WDR90: variants seen among roughly 807,000 people sequenced by gnomAD.
WDR90 encodes the protein WD repeat-containing protein 90.
A neutral mutation model predicts 195.2 loss-of-function variants in WDR90; 238 were observed. The observed-to-expected ratio is 1.22, with a 90% confidence interval of 1.10 to 1.36. WDR90 has a LOEUF of 1.36. Ranked by LOEUF, WDR90 falls within the 40% of genes most tolerant of loss-of-function variation. The pLI is 0.00. For synonymous variants in WDR90, 1,265 were observed against 1,052.4 expected, an observed-to-expected ratio of 1.20 and a Z score of -3.91; for missense variants, 2,734 against 2,439.5, an observed-to-expected ratio of 1.12 and a Z score of -2.54.
chr16:658,688 C>A (rs1236489817), intron 23 of WDR90, 35 bp downstream of exon 23: 3 of 1,594,904 alleles, frequency 1.9e-6, no homozygotes, highest in South Asian at 2.2e-5. Context: ...CTTTGGCGGT[C>A]AGGAGCCTCC....
At chr16:665,920 T>G (rs374624747) in intron 35 of WDR90, 30 bp from the exon 36 acceptor site, 1 of 1,567,446 alleles carries the variant, frequency 6.4e-7, no homozygotes, top group Non-Finnish European at 8.6e-7. Flanking sequence ...CCCCTGTGAG[T>G]GCTGAAGTTT....
chr16:659,421 G>C, intron 26 of WDR90, 45 bp downstream of exon 26: 5 of 1,574,196 alleles, frequency 3.2e-6, no homozygotes, highest in Non-Finnish European at 4.3e-6. Context: ...TCGGGGGTCT[G>C]AGAGGGCACA....
rs773023203 is a variant in WDR90, at chr16:657,128, CCT to C, written c.2381_2382del (p.Pro794ArgfsTer73). 3.8e-6 allele frequency: 6 copies of C among 1,583,870 alleles called. No homozygotes were observed. The highest frequency in any genetic ancestry group is 5.1e-6 in the Non-Finnish European group (6 of 1,167,212). On this transcript the variant is annotated frameshift_variant, in exon 20 of 41. Coordinates refer to ENST00000293879, the MANE Select transcript of WDR90 (RefSeq NM_145294.5). LOFTEE classifies it high-confidence loss of function. ...AGCTGTCACCGGCCTGACCGCCACC[CCT>C]GACGGCCGCCTGCTCTTCAGCTCCT... is the stretch of plus-strand genomic sequence containing the variant. Reference protein sequence around the residue: ...RGAVTGLTATPDGRLLFSSCS... With the variant: ...RGAVTGLTATXDGRLLFSSCS...
chr16:651,137 G>A (rs1238273956), intron 6 of WDR90, 34 bp downstream of exon 6: 20 of 1,613,152 alleles, frequency 1.2e-5, no homozygotes, highest in African/African-American at 4.0e-5. Flanking sequence ...GGGAGGCCTC[G>A]GTGGTGGGAG....
chr16:660,999 C>CCTGTTCG lies in WDR90; in HGVS notation c.3392-52_3392-51insCTGTTCG, dbSNP rs1567220624. 60 of 72,374 alleles carry CCTGTTCG rather than the reference C, an allele frequency of 8.3e-4. 21 individuals carry two copies. In the African/African-American group the frequency reaches 0.033, roughly 40 times the overall value. The allele number at this position is 72,374 out of a possible 1,614,324, so 4.5% of individuals were successfully genotyped here. On this transcript the variant is annotated intron_variant, in intron 28 of 40. Coordinates refer to ENST00000293879, the MANE Select transcript of WDR90 (RefSeq NM_145294.5). ...TTCGGCCCCTCCCCAGGCCCCTCCC[C>CCTGTTCG]GCCCCCCCCCCCCCCCGGCCCGGCC... is the stretch of plus-strand genomic sequence containing the variant.
chr16:659,417 G>T (rs1291046435), intron 26 of WDR90, 41 bp downstream of exon 26: 1 of 1,575,806 alleles, frequency 6.3e-7, no homozygotes, highest in Non-Finnish European at 8.6e-7. Context: ...GGATTCGGGG[G>T]TCTGAGAGGG....
chr16:649,299 G>A (rs1029310383), upstream of WDR90: 8 of 1,225,484 alleles, frequency 6.5e-6, no homozygotes, highest in African/African-American at 1.1e-4. Context: ...GCGCCGCCAT[G>A]ACGGCGGAAG....
rs559154480 is a variant in WDR90 at position 655,627 on chromosome 16, C to G, written c.1773C>G (p.Val591=). Residue 591 remains valine (V), a synonymous_variant, in exon 16 of 41, where the codon GTC becomes GTG. Transcript: ENST00000293879. ...HILEIDCQRM[V]VRHARRLLPT... ...TGGAGATTGACTGTCAGCGCATGGT[C>G]GTGCGGCATGCCCGCCGCCTGCTCC... The G allele has an allele frequency of 6.2e-7, 1 of 1,608,998 alleles. No individual in the cohort carries two copies. The highest frequency in any genetic ancestry group is 8.5e-7 in the Non-Finnish European group (1 of 1,177,992).
intron 29 of WDR90, 72 bp from the exon 30 acceptor site, chr16:661,261 AAGACGGAGC>A: frequency 1.3e-6 from 2 of 1,530,502 alleles, no homozygotes; most frequent in Admixed American, 1.9e-5. Flanking sequence ...CTCACCACCA[AAGACGGAGC>A]AGACGGCCAC....
chr16:658,904 C>T lies in WDR90; in HGVS notation c.2904C>T (p.Ile968=), dbSNP rs376947100. The part of the protein sequence containing the change: ...TQASPGPQVY[I]GHSEPVQAVA... ...GACGCCGCTACCCCTAGGTGTACATCGGCCACTCGGAACCCGTGCAGGCTG... is the reference window on the plus strand; with the variant it reads ...GACGCCGCTACCCCTAGGTGTACATTGGCCACTCGGAACCCGTGCAGGCTG... Residue 968 remains isoleucine (I), a synonymous_variant, in exon 24 of 41, where the codon ATC becomes ATT. Transcript: ENST00000293879. 1.9e-5 allele frequency: 31 copies of T among 1,611,930 alleles called. No individual in the cohort carries two copies. The highest frequency in any genetic ancestry group is 1.6e-4 in the African/African-American group (12 of 75,052).
In WDR90 at chr16:661,734, G is replaced by A. The variant is rs2037919916; in HGVS notation, c.3811G>A (p.Gly1271Ser). Residue 1271 changes from glycine (G) to serine (S), a missense_variant, in exon 31 of 41, where the codon GGC becomes AGC. Coordinates refer to ENST00000293879, the MANE Select transcript of WDR90 (RefSeq NM_145294.5). Reference protein sequence around the residue: ...DAGELTCVGQGTVTFWLLQQR... With the variant: ...DAGELTCVGQSTVTFWLLQQR... ...CGGCGAGCTCACCTGTGTGGGCCAG[G>A]GCACTGTCACCTTCTGGCTCCTTCA... 6 of 1,611,800 alleles carry A rather than the reference G, an allele frequency of 3.7e-6. No individual in the cohort carries two copies. The highest frequency in any genetic ancestry group is 5.1e-6 in the Non-Finnish European group (6 of 1,179,486).
At position 665,495 on chromosome 16, in the gene WDR90, G is replaced by A. The variant is rs980454726; in HGVS notation, c.4312-184G>A. 11 of 911,640 alleles carry A rather than the reference G, an allele frequency of 1.2e-5. No homozygotes were observed. The African/African-American group carries it at 1.8e-4, about 15-fold the overall frequency. The allele number at this position is 911,640 out of a possible 1,614,324, so 56.5% of individuals were successfully genotyped here. A position where few individuals can be genotyped will look rare whatever the true frequency, so the allele number is the denominator to read the frequency against. On this transcript the variant is annotated intron_variant, in intron 34 of 40. Coordinates refer to ENST00000293879, the MANE Select transcript of WDR90 (RefSeq NM_145294.5). Reference sequence around the variant, plus strand: ...GCTTGCTTTGGTTTGGACTCACCCAGATCTAGTGCAGGGACACACACGGGG... The same window carrying A: ...GCTTGCTTTGGTTTGGACTCACCCAAATCTAGTGCAGGGACACACACGGGG...
chr16:659,157 T>C (rs7194532), intron 25 of WDR90, 31 bp downstream of exon 25: 692,820 of 1,610,062 alleles, frequency 0.43, 168,405 homozygotes, highest in East Asian at 0.97. Context: ...GGGGTGCAGG[T>C]GCTGCGCTGA....
At position 666,285 on chromosome 16, in the gene WDR90, A is replaced by G. The variant is rs1423110330; in HGVS notation, c.4675A>G (p.Thr1559Ala). The G allele has an allele frequency of 1.9e-6, 3 of 1,612,588 alleles. No individual in the cohort carries two copies. Among genetic ancestry groups the G allele is most frequent in the Non-Finnish European group, 2.5e-6 (3 of 1,179,982 alleles). Residue 1559 changes from threonine to alanine, a missense_variant, in exon 37 of 41, where the codon ACC (threonine) becomes GCC (alanine). Transcript: ENST00000293879. ...VAVSHPCTGT[T>A]FRVLSDHQGA... ...TGTGAGCCACCCCTGCACAGGGACA[A>G]CCTTCCGTGTGCTGAGTGACCACCA...
chr16:666,677 A>C lies in WDR90; in HGVS notation c.4889A>C (p.Gln1630Pro). The stretch of plus-strand genomic sequence containing the variant: ...CAGCATGCTGCGCCTTTGCAGACTC[A>C]GGGCCACCTGCCACCCTCCCTCGCT... ...SFPMPATTET[Q>P]GHLPPSLAAF... The change falls in exon 39 of 41, where the codon CAG becomes CCG. Residue 1630 changes from glutamine (Q) to proline (P), a missense_variant. Physicochemically the swap from Gln to Pro is moderately conservative, Grantham distance 76. Coordinates refer to ENST00000293879, the MANE Select transcript of WDR90 (RefSeq NM_145294.5). 6.2e-7 allele frequency: 1 copy of C among 1,612,532 alleles called. No individual in the cohort carries two copies. The highest frequency in any genetic ancestry group is 8.5e-7 in the Non-Finnish European group (1 of 1,179,858).
rs767627753 is a variant in WDR90, at chr16:659,118, G to A, written c.3044G>A (p.Cys1015Tyr). 9.3e-6 allele frequency: 15 copies of A among 1,611,838 alleles called. No homozygotes were observed. In the Admixed American group the frequency reaches 2.0e-4, roughly 21 times the overall value. ...DQSFPGAPPA[C>Y]KTGPGAGPLE... The stretch of plus-strand genomic sequence containing the variant: ...AGCTTCCCCGGGGCCCCCCCAGCCT[G>A]CAAGACAGGTGAGTGGCTGTGCTCA... Residue 1015 changes from cysteine to tyrosine, a missense_variant, in exon 25 of 41, where the codon TGC becomes TAC. Cys to Tyr is a radical substitution (Grantham distance 194). Coordinates refer to ENST00000293879, the MANE Select transcript of WDR90 (RefSeq NM_145294.5).
At chr16:657,977 G>T in intron 21 of WDR90, 85 bp downstream of exon 21, 1 of 1,470,812 alleles carries the variant, frequency 6.8e-7, no homozygotes. Context: ...CGGCCACTCG[G>T]GAGCAGGACC....
intron 34 of WDR90, among the ~76,000 whole-genome samples, chr16:664,147 G>A (rs145027719): frequency 4.6e-4 from 67 of 146,268 alleles, no homozygotes; most frequent in Admixed American, 6.9e-4. Context: ...GTTTCAGGGG[G>A]TGGCTTTTGG....
At chr16:653,308 A>C (rs1484693679) in intron 10 of WDR90, 33 bp from the exon 11 acceptor site, 1 of 1,466,270 alleles carries the variant, frequency 6.8e-7, no homozygotes, top group Admixed American at 2.7e-5. Context: ...CTGGCGTAGC[A>C]CCGGTCCTCA....
Sources: allele counts gnomAD v4.1 joint callset (sites outside exome capture counted in the v4.1 genomes callset), GRCh38; gene constraint gnomAD v4.1.1; transcripts MANE v1.5; gene names NCBI Gene and HGNC (gene_info 2026-07-23, HGNC 2026-07-21).